The following ZFAT variants were observed in gnomAD, a reference collection of about 807,000 sequenced individuals.
The protein encoded by ZFAT is zinc finger protein ZFAT.
ZFAT carries 64 observed loss-of-function variants against 117.7 expected under a neutral mutation model. The observed-to-expected ratio is 0.54, with a 90% confidence interval of 0.44 to 0.67. The LOEUF (loss-of-function observed/expected upper bound fraction) is 0.67. Among genes scored for constraint, ZFAT ranks in the 30% least tolerant of loss-of-function variants. The pLI is 0.00. For missense variants in ZFAT, 1,433 were observed against 1,584.5 expected (o/e 0.90, Z 1.62); for synonymous variants, 679 against 615.0 (o/e 1.10, Z -1.54).
the ZFAT span, among the ~76,000 whole-genome samples, chr8:134,771,184 C>A: frequency 6.6e-6 from 1 of 152,198 alleles, no homozygotes; most frequent in South Asian, 2.1e-4. Context: ...TGTGAGGCAT[C>A]ACGGAACCTA....
Position 134,532,868 on chromosome 8 carries a change from G to A in ZFAT, c.3081C>T (p.Thr1027=), listed in dbSNP as rs376243742. Residue 1027 remains threonine, a synonymous_variant, in exon 12 of 16, where the codon ACC becomes ACT. Coordinates refer to ENST00000377838, the MANE Select transcript of ZFAT (RefSeq NM_020863.4). The part of the protein sequence containing the change: ...HPNEEYANVG[T]GELAAEVLIQ... Reference sequence around the variant, plus strand: ...TGAGCACCTCCGCTGCCAGCTCCCCGGTGCCCACGTTGGCATACTCCTCAT... The same window carrying A: ...TGAGCACCTCCGCTGCCAGCTCCCCAGTGCCCACGTTGGCATACTCCTCAT... 2.0e-4 allele frequency: 318 copies of A among 1,609,320 alleles called. 4 individuals carry two copies. The South Asian group carries it at 2.5e-3, about 13-fold the overall frequency.
At chr8:134,545,675 A>C (rs1379930108) in intron 11 of ZFAT, among the ~76,000 whole-genome samples, 1 of 152,154 alleles carries the variant, frequency 6.6e-6, no homozygotes, top group African/African-American at 2.4e-5. Flanking sequence ...ACTGGCAAAA[A>C]CCACAATTAC....
intron 15 of ZFAT, among the ~76,000 whole-genome samples, chr8:134,502,998 C>A (rs1056248040): frequency 1.3e-5 from 2 of 152,218 alleles, no homozygotes; most frequent in African/African-American, 4.8e-5. Flanking sequence ...ACCCCATCCC[C>A]ACCCCAGGCT....
chr8:134,767,188 T>C, the ZFAT span: 1 of 152,226 alleles, frequency 6.6e-6, no homozygotes, highest in Non-Finnish European at 1.5e-5. Flanking sequence ...GAAAAGAATA[T>C]ATATTCTGCA....
the ZFAT span, among the ~76,000 whole-genome samples, chr8:134,725,656 G>T: frequency 3.3e-5 from 5 of 151,934 alleles, no homozygotes; most frequent in African/African-American, 1.2e-4. Context: ...CGTGAGATTT[G>T]GATGGGGACA....
chr8:134,536,594 T>C (rs1455059334), intron 11 of ZFAT, among the ~76,000 whole-genome samples: 1 of 152,140 alleles, frequency 6.6e-6, no homozygotes, highest in Non-Finnish European at 1.5e-5. Flanking sequence ...GGAATTCTCC[T>C]GGGGCTGATG....
the ZFAT span, among the ~76,000 whole-genome samples, chr8:134,730,993 C>T: frequency 6.6e-6 from 1 of 152,170 alleles, no homozygotes; most frequent in Non-Finnish European, 1.5e-5. Flanking sequence ...CATGAATGCT[C>T]TATTGCCGGA....
At chr8:134,625,114 G>A (rs77777976) in intron 3 of ZFAT, among the ~76,000 whole-genome samples, 2,981 of 152,332 alleles carry the variant, frequency 0.02, 107 homozygotes, top group African/African-American at 0.068. Flanking sequence ...CCTGCTGAAT[G>A]TGCTCTTCCT....
At chr8:134,565,507 CAAAG>C in intron 10 of ZFAT, 86 bp from the exon 11 acceptor site, 2 of 1,258,436 alleles carry the variant, frequency 1.6e-6, no homozygotes, top group Non-Finnish European at 2.3e-6. Context: ...GCCAGGTACA[CAAAG>C]GTGTTCCTTG....
chr8:134,657,676 G>A lies in ZFAT; in HGVS notation c.81C>T (p.Leu27=), dbSNP rs1230624555. 24 of 1,614,142 alleles carry A rather than the reference G, an allele frequency of 1.5e-5. No individual in the cohort carries two copies. The highest frequency in any genetic ancestry group is 2.0e-5 in the Non-Finnish European group (24 of 1,180,034). Reference sequence around the variant, plus strand: ...TGTGCTTCTCTGAAACGTGGGAGAGGAGTTCCGACTGATTTGGTGAGAAGA... The same window carrying A: ...TGTGCTTCTCTGAAACGTGGGAGAGAAGTTCCGACTGATTTGGTGAGAAGA... The part of the protein sequence containing the change: ...CNLFSPNQSE[L]LSHVSEKHME... Residue 27 remains leucine (L), a synonymous_variant, in exon 2 of 16, where the codon CTC becomes CTT. Transcript: ENST00000377838.
chr8:134,745,877 G>A, the ZFAT span, among the ~76,000 whole-genome samples: 18 of 152,246 alleles, frequency 1.2e-4, no homozygotes, highest in South Asian at 6.2e-4. Context: ...GCTTAGTCAC[G>A]CAGCTATTTA....
At chr8:134,809,267 C>T in the ZFAT span, among the ~76,000 whole-genome samples, 1 of 152,296 alleles carries the variant, frequency 6.6e-6, no homozygotes, top group East Asian at 1.9e-4. Flanking sequence ...AGACCTACTC[C>T]ATCCAAACTA....
At chr8:134,748,330 T>A in the ZFAT span, among the ~76,000 whole-genome samples, 1 of 152,268 alleles carries the variant, frequency 6.6e-6, no homozygotes, top group Non-Finnish European at 1.5e-5. Flanking sequence ...AAACTGTGTG[T>A]ATTTGTTTTA....
At chr8:134,734,353 T>C in the ZFAT span, among the ~76,000 whole-genome samples, 1 of 152,256 alleles carries the variant, frequency 6.6e-6, no homozygotes. Context: ...CCAGTCTTTA[T>C]TTTTAGGAAA....
chr8:134,732,648 A>G, the ZFAT span, among the ~76,000 whole-genome samples: 2,309 of 152,328 alleles, frequency 0.015, 68 homozygotes, highest in African/African-American at 0.053. Context: ...ATTAGTTCTC[A>G]ATAGTTAAAA....
At chr8:134,685,657 A>G (rs968955189) in intron 1 of ZFAT, among the ~76,000 whole-genome samples, 1 of 152,158 alleles carries the variant, frequency 6.6e-6, no homozygotes, top group African/African-American at 2.4e-5. Flanking sequence ...GCAGACCACC[A>G]GGTAAGAGGC....
intron 11 of ZFAT, among the ~76,000 whole-genome samples, chr8:134,534,642 G>C (rs1467144751): frequency 6.7e-6 from 1 of 149,348 alleles, no homozygotes; most frequent in African/African-American, 2.5e-5. Context: ...GGGGAGAGAG[G>C]GAGAGAGGGA....
chr8:134,562,033 T>G (rs1057034459), intron 11 of ZFAT, among the ~76,000 whole-genome samples: 1 of 152,128 alleles, frequency 6.6e-6, no homozygotes, highest in Non-Finnish European at 1.5e-5. Context: ...GATAAGGACA[T>G]TCATTGTTGT....
At chr8:134,555,193 G>C (rs372905374) in intron 11 of ZFAT, among the ~76,000 whole-genome samples, 11 of 152,146 alleles carry the variant, frequency 7.2e-5, no homozygotes, top group East Asian at 3.9e-4. Flanking sequence ...TCCCCAGCAA[G>C]GAACTGTGAC....
Sources: allele counts gnomAD v4.1 joint callset (sites outside exome capture counted in the v4.1 genomes callset), GRCh38; gene constraint gnomAD v4.1.1; transcripts MANE v1.5; gene names NCBI Gene and HGNC (gene_info 2026-07-23, HGNC 2026-07-21).